The following TFCP2 variants were observed in gnomAD, a reference collection of about 807,000 sequenced individuals.
TFCP2 encodes the protein transcription factor CP2.
A neutral mutation model predicts 73.4 loss-of-function variants in TFCP2; 33 were observed. That is an observed-to-expected ratio of 0.45 (90% CI 0.34 to 0.60). The LOEUF is 0.60. Among genes scored for constraint, TFCP2 ranks in the 20% least tolerant of loss-of-function variants. The pLI, the probability that TFCP2 is intolerant of heterozygous loss-of-function variation, is 0.01. For synonymous variants in TFCP2, 193 were observed against 211.6 expected (o/e 0.91, Z 0.76); for missense variants, 352 against 604.0 (o/e 0.58, Z 4.37).
intron 1 of TFCP2, among the ~76,000 whole-genome samples, chr12:51,129,461 C>T (rs1392177401): frequency 1.4e-5 from 2 of 147,806 alleles, no homozygotes; most frequent in African/African-American, 2.5e-5. Flanking sequence ...TGCAGTGAGC[C>T]GAGATCGTGC....
intron 1 of TFCP2, among the ~76,000 whole-genome samples, chr12:51,124,293 A>T (rs1457586893): frequency 1.3e-5 from 2 of 152,082 alleles, no homozygotes; most frequent in South Asian, 4.1e-4. Context: ...ATGGGGTCTC[A>T]TCATGTTGCT....
chr12:51,094,993 C>A lies in TFCP2; in HGVS notation c.*248G>T. ...TAGAGTTTCTACTGATATTTAACAA[C>A]AACAAGGTCCAGAAATTTAACTAAA... On this transcript the variant is annotated 3_prime_UTR_variant, in exon 15 of 15. Transcript: ENST00000257915. 1.9e-6 allele frequency: 1 copy of A among 524,220 alleles called. No individual in the cohort carries two copies. The highest frequency in any genetic ancestry group is 3.4e-6 in the Non-Finnish European group (1 of 292,342). 32.5% of individuals were successfully genotyped at this position (524,220 alleles called of 1,614,324 possible). A position where few individuals can be genotyped will look rare whatever the true frequency, so the allele number is the denominator to read the frequency against.
Position 51,126,027 on chromosome 12 carries a change from G to A in TFCP2, c.123-7255C>T, listed in dbSNP as rs373706908. Among the ~76,000 whole-genome samples, 477 of 151,858 alleles carry A rather than the reference G, an allele frequency of 3.1e-3. 4 individuals carry two copies. The highest frequency in any genetic ancestry group is 0.011 in the African/African-American group (449 of 41,398). On this transcript the variant is annotated intron_variant, in intron 1 of 14. Transcript: ENST00000257915. Reference sequence around the variant, plus strand: ...AGGTGGATCACGAGGTCAGGAGATCGAGACCATCCTGGCTAACATGGTGAA... The same window carrying A: ...AGGTGGATCACGAGGTCAGGAGATCAAGACCATCCTGGCTAACATGGTGAA...
intron 1 of TFCP2, among the ~76,000 whole-genome samples, chr12:51,144,142 C>G (rs1247221298): frequency 1.3e-5 from 2 of 152,078 alleles, no homozygotes; most frequent in Admixed American, 1.3e-4. Flanking sequence ...CAATCCTCCC[C>G]CAACCTCAGC....
At chr12:51,148,660 A>C (rs1349283906) in intron 1 of TFCP2, among the ~76,000 whole-genome samples, 6 of 143,284 alleles carry the variant, frequency 4.2e-5, no homozygotes, top group African/African-American at 1.6e-4. Context: ...AGATTGCACC[A>C]CTGCACTCCA....
intron 1 of TFCP2, among the ~76,000 whole-genome samples, chr12:51,148,749 G>C (rs1407538433): frequency 1.3e-5 from 2 of 150,466 alleles, no homozygotes; most frequent in African/African-American, 4.9e-5. Flanking sequence ...TATAGGCCAG[G>C]TGCAGTGGCT....
intron 1 of TFCP2, among the ~76,000 whole-genome samples, chr12:51,153,403 TTTTTTTTG>T (rs926215216): frequency 3.3e-5 from 5 of 151,796 alleles, no homozygotes; most frequent in African/African-American, 1.2e-4. Flanking sequence ...TTAACCTTTT[TTTTTTTTG>T]TTTTTTGTTG....
intron 1 of TFCP2, among the ~76,000 whole-genome samples, chr12:51,129,697 G>A (rs900736532): frequency 6.6e-6 from 1 of 151,924 alleles, no homozygotes; most frequent in Non-Finnish European, 1.5e-5. Context: ...TCTTTAAGAG[G>A]GCCTCCTAAT....
At chr12:51,107,560 G>T (rs11169706) in intron 6 of TFCP2, among the ~76,000 whole-genome samples, 9,454 of 152,114 alleles carry the variant, frequency 0.062, 549 homozygotes, top group East Asian at 0.18. Flanking sequence ...GACATGGAAA[G>T]ATCTCTAAAG....
At position 51,110,913 on chromosome 12, in the gene TFCP2, C is replaced by A. The variant is rs990711439; in HGVS notation, c.528G>T (p.Leu176=). 7 of 1,614,078 alleles carry A rather than the reference C, an allele frequency of 4.3e-6. No homozygotes were observed. The East Asian group carries it at 1.6e-4, about 36-fold the overall frequency. ...CAGATGTCCTCTTTGCAGGGTCCCA[C>A]AGGAACTCCACTGTATTTAGTTGAG... ...NPTQLNTVEF[L]WDPAKRTSVF... The change falls in exon 5 of 15, where the codon CTG becomes CTT. Residue 176 remains leucine (L), a synonymous_variant. Transcript: ENST00000257915.
chr12:51,137,446 T>TC (rs1941085941), intron 1 of TFCP2, among the ~76,000 whole-genome samples: 1 of 152,208 alleles, frequency 6.6e-6, no homozygotes, highest in Admixed American at 6.5e-5. Flanking sequence ...TTGTAAGATA[T>TC]TAAAAGTTTA....
intron 12 of TFCP2, among the ~76,000 whole-genome samples, chr12:51,099,180 T>C (rs751257873): frequency 6.6e-6 from 1 of 152,056 alleles, no homozygotes; most frequent in Non-Finnish European, 1.5e-5. Context: ...TTAAAGCATA[T>C]AAAAAGTGTT....
rs1940063215 is a variant in TFCP2 at position 51,099,749 on chromosome 12, A to G, written c.1182T>C (p.Val394=). ...RMVRPRLTIY[V]CQESLQLREQ... is the part of the protein sequence containing the mutation. Reference sequence around the variant, plus strand: ...CCCTCAACTGCAGTGATTCCTGACAAACATAAATGGTTAACCTTGGACGCA... The same window carrying G: ...CCCTCAACTGCAGTGATTCCTGACAGACATAAATGGTTAACCTTGGACGCA... The change falls in exon 12 of 15, where the codon GTT becomes GTC. Residue 394 remains valine (V), a synonymous_variant. Transcript: ENST00000257915. The G allele has an allele frequency of 1.9e-6, 3 of 1,614,096 alleles. No individual in the cohort carries two copies. Among genetic ancestry groups the G allele is most frequent in the Non-Finnish European group, 2.5e-6 (3 of 1,180,050 alleles).
chr12:51,122,510 C>T (rs771593308), intron 1 of TFCP2, among the ~76,000 whole-genome samples: 10 of 152,008 alleles, frequency 6.6e-5, no homozygotes, highest in Non-Finnish European at 1.2e-4. Flanking sequence ...CTGCCCATCT[C>T]GGCCTCCCAA....
chr12:51,136,698 G>A (rs865998971), intron 1 of TFCP2, among the ~76,000 whole-genome samples: 8 of 152,262 alleles, frequency 5.3e-5, no homozygotes, highest in Admixed American at 1.3e-4. Context: ...CACTTTGGGA[G>A]GCCAAGGCAA....
At chr12:51,138,765 A>G (rs1941121395) in intron 1 of TFCP2, among the ~76,000 whole-genome samples, 1 of 152,054 alleles carries the variant, frequency 6.6e-6, no homozygotes, top group Non-Finnish European at 1.5e-5. Context: ...CAGCCTCCTG[A>G]GTAGCTGGGA....
chr12:51,128,637 A>G (rs1177332787), intron 1 of TFCP2, among the ~76,000 whole-genome samples: 1 of 152,232 alleles, frequency 6.6e-6, no homozygotes, highest in South Asian at 2.1e-4. Flanking sequence ...GTCTCTCTTG[A>G]TATCACTGTG....
intron 1 of TFCP2, among the ~76,000 whole-genome samples, chr12:51,164,604 A>AG (rs550022294): frequency 1.3e-5 from 2 of 152,018 alleles, no homozygotes; most frequent in Non-Finnish European, 2.9e-5. Flanking sequence ...CTCGAAAAAA[A>AG]AAAAAAAAAA....
chr12:51,173,103 A>G lies in TFCP2; in HGVS notation c.-681T>C, dbSNP rs1241996963. The G allele has an allele frequency of 1.3e-5, 2 of 152,006 alleles. No homozygotes were observed. The highest frequency in any genetic ancestry group is 2.1e-4 in the South Asian group (1 of 4,848). The allele number at this position is 152,006 out of a possible 1,614,324, so 9.4% of individuals were successfully genotyped here. ...TCCGCCGCCCCAGCGCCAACCAATCATGGCGTCCTCTTTCCTCGCCTGCCC... is the reference window on the plus strand; with the variant it reads ...TCCGCCGCCCCAGCGCCAACCAATCGTGGCGTCCTCTTTCCTCGCCTGCCC... On this transcript the variant is annotated 5_prime_UTR_variant, in exon 1 of 15. An upstream start codon of the reference 5' UTR is lost. Transcript: ENST00000257915.
Sources: allele counts gnomAD v4.1 joint callset (sites outside exome capture counted in the v4.1 genomes callset), GRCh38; gene constraint gnomAD v4.1.1; transcripts MANE v1.5; gene names NCBI Gene and HGNC (gene_info 2026-07-23, HGNC 2026-07-21).